The following SH3D21 variants were observed in gnomAD, a reference collection of about 807,000 sequenced individuals.
The protein encoded by SH3D21 is SH3 domain-containing protein 21.
In SH3D21, 83 loss-of-function variants were observed where a neutral mutation model predicts 82.1. The observed-to-expected ratio is 1.01, with a 90% CI of 0.85 to 1.21. The LOEUF is 1.21. Among genes scored for constraint, SH3D21 ranks in the 50% most tolerant of loss-of-function variants. SH3D21 has a pLI of 0.00. For synonymous variants in SH3D21, 383 were observed against 387.8 expected, an observed-to-expected ratio of 0.99 and a Z score of 0.15; for missense variants, 980 against 962.1, an observed-to-expected ratio of 1.02 and a Z score of -0.25.
downstream of SH3D21, chr1:36,328,059 C>T (rs1368490564): frequency 2.2e-6 from 1 of 464,600 alleles, no homozygotes. Flanking sequence ...CTGCTGTCTG[C>T]TCACCTGCCT....
chr1:36,325,456 G>A (rs1165952794), downstream of SH3D21, among the ~76,000 whole-genome samples: 1 of 152,214 alleles, frequency 6.6e-6, no homozygotes, highest in African/African-American at 2.4e-5. Context: ...TTTACATCAA[G>A]GACTTGAGGA....
At chr1:36,313,996 A>C in intron 10 of SH3D21, among the ~76,000 whole-genome samples, 1 of 2,228 alleles carries the variant, frequency 4.5e-4, no homozygotes, top group African/African-American at 5.0e-4. Context: ...TTTTTTTGAG[A>C]CGGAGTCTCG....
chr1:36,322,816 G>A (rs910288595), downstream of SH3D21: 60 of 1,487,500 alleles, frequency 4.0e-5, no homozygotes, highest in Middle Eastern at 4.4e-4. Context: ...GTGTGGGGGC[G>A]AGGCCTGTAA....
chr1:36,322,521 G>A (rs779886034), downstream of SH3D21: 92 of 1,600,744 alleles, frequency 5.7e-5, no homozygotes, highest in Admixed American at 5.0e-4. Flanking sequence ...CGTGTCGTCG[G>A]GGCCCAGCCG....
In SH3D21 at chr1:36,320,459, C is replaced by G; in HGVS notation, c.1796C>G (p.Thr599Ser). The change falls in exon 14 of 16, where the codon ACC becomes AGC. Residue 599 changes from threonine to serine, a missense_variant. Thr to Ser is a moderately conservative substitution (Grantham distance 58). Transcript: ENST00000453908. ...GAGGCACCTTCCAATGACGAGAGGA[C>G]CCCTGAAGAGGAGGCGCCCCCCAAC... ...PEEAPSNDER[T>S]PEEEAPPNEQ... The G allele has an allele frequency of 6.2e-7, 1 of 1,613,622 alleles. No individual in the cohort carries two copies. Among genetic ancestry groups the G allele is most frequent in the Non-Finnish European group, 8.5e-7 (1 of 1,179,870 alleles).
At position 36,319,095 on chromosome 1, in the gene SH3D21, T is replaced by G. The variant is rs1646396388; in HGVS notation, c.794T>G (p.Leu265Trp). 1 of 1,550,984 alleles carries G rather than the reference T, an allele frequency of 6.4e-7. No homozygotes were observed. Among genetic ancestry groups the G allele is most frequent in the Non-Finnish European group, 8.7e-7 (1 of 1,146,614 alleles). ...GCTCCTATTAAGGAACCAAAAAAGTTGATGCCCAAAACATCCCTCCCCACA... is the reference window on the plus strand; with the variant it reads ...GCTCCTATTAAGGAACCAAAAAAGTGGATGCCCAAAACATCCCTCCCCACA... ...ESAPIKEPKK[L>W]MPKTSLPTVK... is the part of the protein sequence containing the mutation. The change falls in exon 11 of 16, where the codon TTG (leucine) becomes TGG (tryptophan). Residue 265 changes from leucine (L) to tryptophan (W), a missense_variant. Physicochemically the swap from Leu to Trp is moderately conservative, Grantham distance 61. Coordinates refer to ENST00000453908, the MANE Select transcript of SH3D21 (RefSeq NM_001162530.2).
At chr1:36,327,328 GCATGA>G (rs551954699), downstream of SH3D21, among the ~76,000 whole-genome samples, 36 of 152,328 alleles carry the variant, frequency 2.4e-4, no homozygotes, top group South Asian at 7.2e-3. Flanking sequence ...TGCTGGGAGT[GCATGA>G]GCATGTTTAA....
chr1:36,306,810 T>TCTC lies in SH3D21; in HGVS notation c.163-32_163-31insCTC. The TCTC allele has an allele frequency of 7.7e-7, 1 of 1,293,220 alleles. No homozygotes were observed. Among genetic ancestry groups the TCTC allele is most frequent in the Non-Finnish European group, 1.0e-6 (1 of 988,218 alleles). The allele number at this position is 1,293,220 out of a possible 1,614,324, so 80.1% of individuals were successfully genotyped here. ...GTCTCAGCGCGCGCCCCCCGGGAGC[T>TCTC]GAGAGCGCCTTCCCCGTGCCCTGAT... On this transcript the variant is annotated intron_variant, in intron 2 of 15. Coordinates refer to ENST00000453908, the MANE Select transcript of SH3D21 (RefSeq NM_001162530.2). This position sits in a 1 kb window ranked among gnomAD's most constrained non-coding sequence, Gnocchi z 4.5.
In SH3D21 at chr1:36,307,809, C is replaced by T; in HGVS notation, c.476C>T (p.Pro159Leu). The change falls in exon 6 of 16, where the codon CCC becomes CTC. Residue 159 changes from proline to leucine, a missense_variant. Pro to Leu is a moderately conservative substitution (Grantham distance 98). Transcript: ENST00000453908. This position sits in a 1 kb window ranked among gnomAD's most constrained non-coding sequence, Gnocchi z 5.4. ...GACATGCCTTCAGTCAGCCCTGGTC[C>T]CCAGCGGCCTCCCAAGGTAAGTTGG... is the stretch of plus-strand genomic sequence containing the variant. ...NPDMPSVSPG[P>L]QRPPKLSSLA... The T allele has an allele frequency of 1.3e-6, 2 of 1,551,818 alleles. No homozygotes were observed. The highest frequency in any genetic ancestry group is 2.0e-5 in the Admixed American group (1 of 51,002).
downstream of SH3D21, chr1:36,327,828 T>C (rs1338268860): frequency 7.8e-7 from 1 of 1,288,012 alleles, no homozygotes; most frequent in Admixed American, 2.3e-5. Flanking sequence ...CTGAAACCTT[T>C]GGCCAATGTG....
chr1:36,317,713 GCCA>G (rs1239922574), intron 10 of SH3D21, among the ~76,000 whole-genome samples: 1 of 152,120 alleles, frequency 6.6e-6, no homozygotes, highest in Non-Finnish European at 1.5e-5. Flanking sequence ...ACAGGCGCAC[GCCA>G]CCATGCCTGG....
rs773409803 is a variant in SH3D21, at chr1:36,319,745, C to T, written c.1082C>T (p.Thr361Ile). 3.1e-6 allele frequency: 5 copies of T among 1,602,638 alleles called. No individual in the cohort carries two copies. In the East Asian group the frequency reaches 8.9e-5, roughly 29 times the overall value. ...KRTPMPDKTA[T>I]PERPPAPENA... ...ACCCCCATGCCGGACAAGACTGCCACCCCAGAGAGGCCCCCAGCTCCAGAG... is the reference window on the plus strand; with the variant it reads ...ACCCCCATGCCGGACAAGACTGCCATCCCAGAGAGGCCCCCAGCTCCAGAG... The change falls in exon 14 of 16, where the codon ACC becomes ATC. Residue 361 changes from threonine (T) to isoleucine (I), a missense_variant. Physicochemically the swap from Thr to Ile is moderately conservative, Grantham distance 89. Coordinates refer to ENST00000453908, the MANE Select transcript of SH3D21 (RefSeq NM_001162530.2).
Position 36,321,044 on chromosome 1 carries a change from A to G in SH3D21, c.2200-12A>G. On this transcript the variant is annotated splice_polypyrimidine_tract_variant and intron_variant, in intron 15 of 15. Transcript: ENST00000453908. This position sits in a 1 kb window ranked among gnomAD's most constrained non-coding sequence, Gnocchi z 6.1. Reference sequence around the variant, plus strand: ...GGCCCCCTGACAAAGTCTCCACCTCACTCCCGACCAGGTCCAGGTGATGCA... The same window carrying G: ...GGCCCCCTGACAAAGTCTCCACCTCGCTCCCGACCAGGTCCAGGTGATGCA... The G allele has an allele frequency of 1.2e-6, 2 of 1,608,856 alleles. No individual in the cohort carries two copies. The highest frequency in any genetic ancestry group is 1.7e-6 in the Non-Finnish European group (2 of 1,178,072).
chr1:36,320,187 G>C lies in SH3D21; in HGVS notation c.1524G>C (p.Ser508=). Residue 508 remains serine, a synonymous_variant, in exon 14 of 16, where the codon TCG becomes TCC. Transcript: ENST00000453908. ...ACATTCAATTCCATCACTTCTCTTC[G>C]GAGGAAGCCCTGCAGAAGGTCAAGT... is the stretch of plus-strand genomic sequence containing the variant. ...RDDIQFHHFS[S]EEALQKVKYF... 2 of 1,613,464 alleles carry C rather than the reference G, an allele frequency of 1.2e-6. No individual in the cohort carries two copies. Among genetic ancestry groups the C allele is most frequent in the Non-Finnish European group, 1.7e-6 (2 of 1,180,022 alleles).
At chr1:36,323,294 CT>C (rs1646499832), downstream of SH3D21, among the ~76,000 whole-genome samples, 1 of 152,246 alleles carries the variant, frequency 6.6e-6, no homozygotes, top group Non-Finnish European at 1.5e-5. Flanking sequence ...GCCCCGCCCC[CT>C]GGTGAGGTCC....
rs1039694978 is a variant in SH3D21, at chr1:36,319,523, C to T, written c.998C>T (p.Ser333Phe). The change falls in exon 13 of 16, where the codon TCT (serine) becomes TTT (phenylalanine). Residue 333 changes from serine (S) to phenylalanine (F), a missense_variant. Coordinates refer to ENST00000453908, the MANE Select transcript of SH3D21 (RefSeq NM_001162530.2). ...RSKTQTPQQR[S>F]VSSQEEEHSS... ...AAAACCCAGACTCCCCAGCAACGCT[C>T]TGTGTCCAGTCAGGTGAGGGGCGGG... The T allele has an allele frequency of 1.9e-6, 3 of 1,551,674 alleles. No individual in the cohort carries two copies. The highest frequency in any genetic ancestry group is 3.9e-5 in the Admixed American group (2 of 50,988).
Position 36,309,535 on chromosome 1 carries a change from C to G in SH3D21, c.727-13C>G, listed in dbSNP as rs761818390. On this transcript the variant is annotated splice_polypyrimidine_tract_variant and intron_variant, in intron 9 of 15. Transcript: ENST00000453908. ...GATTAAGGATGCTCAACCTTTACTTCTTTTCGGCATAGATCAAGAAGCTGG... is the reference window on the plus strand; with the variant it reads ...GATTAAGGATGCTCAACCTTTACTTGTTTTCGGCATAGATCAAGAAGCTGG... 10 of 1,551,464 alleles carry G rather than the reference C, an allele frequency of 6.4e-6. No individual in the cohort carries two copies. The South Asian group carries it at 1.1e-4, about 17-fold the overall frequency.
In SH3D21 at chr1:36,307,639, G is replaced by A. The variant is rs989987735; in HGVS notation, c.436+32G>A. ...CCTCGACTCTGTGACCCTGTGACTC[G>A]CAATCTCCAATGACCCTCCCAGTGG... On this transcript the variant is annotated intron_variant, in intron 5 of 15. Transcript: ENST00000453908. The surrounding 1 kb of genome is among the most constrained non-coding windows in gnomAD (Gnocchi z 5.4). The A allele has an allele frequency of 5.2e-6, 8 of 1,548,838 alleles. No homozygotes were observed. Among genetic ancestry groups the A allele is most frequent in the Non-Finnish European group, 7.0e-6 (8 of 1,145,066 alleles).
In SH3D21 at chr1:36,319,878, GA is replaced by G. The variant is rs767791851; in HGVS notation, c.1217del (p.Lys406ArgfsTer15). ...ASIPGNSTSG[K>X]IPAPDKVPTP... ...CTATCCCAGGGAACTCCACCTCGGG[GA>G]AGATCCCAGCTCCTGACAAAGTCCC... is the stretch of plus-strand genomic sequence containing the variant. On this transcript the variant is annotated frameshift_variant, in exon 14 of 16. Transcript: ENST00000453908. LOFTEE classifies it high-confidence loss of function. The G allele has an allele frequency of 5.0e-6, 8 of 1,614,038 alleles. No homozygotes were observed. In the Middle Eastern group the frequency reaches 4.9e-4, roughly 100 times the overall value.
Sources: gnomAD v4.1 joint callset for allele counts (sites outside exome capture counted in the v4.1 genomes callset) on GRCh38, gnomAD v4.1.1 for gene constraint, Gnocchi (gnomAD v3.1) non-coding constraint, MANE v1.5 for transcripts, NCBI Gene and HGNC (gene_info 2026-07-23, HGNC 2026-07-21) for gene names.